The following C12orf42 variants were observed in gnomAD, a reference collection of about 807,000 sequenced individuals.
C12orf42 encodes chromosome 12 open reading frame 42.
A neutral mutation model predicts 21.6 loss-of-function variants in C12orf42; 25 were observed. That is an observed-to-expected ratio of 1.16 (90% CI 0.84 to 1.62). The LOEUF (loss-of-function observed/expected upper bound fraction) is 1.62, where lower values mean the gene tolerates loss of function less well. Ranked by LOEUF, C12orf42 falls within the 40% of genes most tolerant of loss-of-function variation. The probability of loss-of-function intolerance (pLI) is 0.00; values close to 1 mark genes in which losing one functional copy is unlikely to be tolerated. For missense variants in C12orf42, 483 were observed against 459.3 expected, an observed-to-expected ratio of 1.05 and a Z score of -0.47; for synonymous variants, 174 against 175.0, an observed-to-expected ratio of 0.99 and a Z score of 0.05.
the C12orf42 span, among the ~76,000 whole-genome samples, chr12:103,075,379 A>G: frequency 6.6e-6 from 1 of 152,118 alleles, no homozygotes; most frequent in African/African-American, 2.4e-5. Flanking sequence ...GATGTAGATC[A>G]AGAGTTGGTT....
chr12:103,313,935 G>C (rs2039210232), intron 4 of C12orf42, among the ~76,000 whole-genome samples: 1 of 152,158 alleles, frequency 6.6e-6, no homozygotes, highest in Non-Finnish European at 1.5e-5. Flanking sequence ...CAATCTACAG[G>C]GGGAAGGCGG....
At chr12:103,090,239 T>C in the C12orf42 span, among the ~76,000 whole-genome samples, 1 of 152,306 alleles carries the variant, frequency 6.6e-6, no homozygotes, top group Admixed American at 6.5e-5. Context: ...TTTTTGGTTT[T>C]ATGGAGGAAA....
chr12:103,489,976 A>G (rs1411720885), intron 1 of C12orf42, among the ~76,000 whole-genome samples: 2 of 152,192 alleles, frequency 1.3e-5, no homozygotes, highest in Non-Finnish European at 2.9e-5. Flanking sequence ...AACCAGTCCC[A>G]GTGAGATGAC....
chr12:103,181,714 G>A, the C12orf42 span, among the ~76,000 whole-genome samples: 1 of 152,308 alleles, frequency 6.6e-6, no homozygotes, highest in South Asian at 2.1e-4. Context: ...AGCAGGTACT[G>A]CCTGACCTCT....
intron 2 of C12orf42, among the ~76,000 whole-genome samples, chr12:103,475,940 T>A (rs1429978721): frequency 1.4e-4 from 21 of 152,202 alleles, no homozygotes; most frequent in African/African-American, 2.4e-5. Context: ...GGGATTAACA[T>A]GAAAGATGGG....
the C12orf42 span, among the ~76,000 whole-genome samples, chr12:103,212,439 G>A: frequency 6.6e-6 from 1 of 152,114 alleles, no homozygotes; most frequent in African/African-American, 2.4e-5. Context: ...GTCTCAAATA[G>A]TTTGAGTTTT....
At chr12:103,499,396 C>G (rs967278685), upstream of C12orf42, among the ~76,000 whole-genome samples, 1 of 152,104 alleles carries the variant, frequency 6.6e-6, no homozygotes, top group Non-Finnish European at 1.5e-5. Context: ...GTCAATTATA[C>G]CACACCAAAT....
At chr12:103,279,159 T>C (rs1269867882) in intron 4 of C12orf42, among the ~76,000 whole-genome samples, 2 of 152,228 alleles carry the variant, frequency 1.3e-5, no homozygotes, top group Non-Finnish European at 2.9e-5. Context: ...ATCATGCCTA[T>C]AGTTCACAAT....
intron 4 of C12orf42, among the ~76,000 whole-genome samples, chr12:103,349,589 T>C (rs895432912): frequency 5.9e-5 from 9 of 152,140 alleles, no homozygotes; most frequent in African/African-American, 1.9e-4. Context: ...TCATCTCTTT[T>C]TTTTCATAAA....
At chr12:103,411,483 T>G (rs2048841119) in intron 2 of C12orf42, among the ~76,000 whole-genome samples, 1 of 152,222 alleles carries the variant, frequency 6.6e-6, no homozygotes, top group Non-Finnish European at 1.5e-5. Flanking sequence ...TCTGAATGTT[T>G]GTATCTCTCC....
the C12orf42 span, among the ~76,000 whole-genome samples, chr12:103,509,978 A>G: frequency 6.6e-6 from 1 of 152,234 alleles, no homozygotes; most frequent in Non-Finnish European, 1.5e-5. Context: ...TAAAAGCACC[A>G]TTTGATCCAG....
intron 3 of C12orf42, among the ~76,000 whole-genome samples, chr12:103,382,139 G>C (rs1326874002): frequency 6.6e-6 from 1 of 152,102 alleles, no homozygotes; most frequent in African/African-American, 2.4e-5. Context: ...TATTGTACTA[G>C]CAAAGTAAAA....
intron 2 of C12orf42, among the ~76,000 whole-genome samples, chr12:103,403,098 A>G (rs376791213): frequency 4.5e-4 from 68 of 152,248 alleles, no homozygotes; most frequent in African/African-American, 1.6e-3. Context: ...TGCAGGGGCC[A>G]GGCACGGTGG....
chr12:103,220,930 C>T, the C12orf42 span, among the ~76,000 whole-genome samples: 1 of 152,324 alleles, frequency 6.6e-6, no homozygotes, highest in African/African-American at 2.4e-5. Flanking sequence ...TAATCTCTAA[C>T]TGACTATTTA....
chr12:103,559,873 G>A, the C12orf42 span: 1 of 152,134 alleles, frequency 6.6e-6, no homozygotes, highest in African/African-American at 2.4e-5. Context: ...TACAGCAAGT[G>A]TAATTGTTAT....
the C12orf42 span, among the ~76,000 whole-genome samples, chr12:103,526,526 T>C: frequency 6.6e-6 from 1 of 152,120 alleles, no homozygotes; most frequent in East Asian, 1.9e-4. Context: ...ATTAGTCCCA[T>C]TTGCAGAGAT....
the C12orf42 span, among the ~76,000 whole-genome samples, chr12:103,506,886 T>TATATATTTATATATTATATA: frequency 2.7e-5 from 1 of 36,518 alleles, no homozygotes; most frequent in Non-Finnish European, 4.5e-5. Flanking sequence ...ATATTATATA[T>TATATATTTATATATTATATA]TAAATATATA....
At chr12:103,372,152 C>T (rs2045301754) in intron 3 of C12orf42, among the ~76,000 whole-genome samples, 1 of 152,120 alleles carries the variant, frequency 6.6e-6, no homozygotes, top group Non-Finnish European at 1.5e-5. Context: ...GTCCTCCAGT[C>T]CCATTCCCTC....
intron 4 of C12orf42, among the ~76,000 whole-genome samples, chr12:103,291,978 G>A (rs778991128): frequency 6.6e-6 from 1 of 152,124 alleles, no homozygotes; most frequent in African/African-American, 2.4e-5. Flanking sequence ...AGTGTTGATA[G>A]CAGCATTATT....
Sources: allele counts gnomAD v4.1 joint callset (sites outside exome capture counted in the v4.1 genomes callset), GRCh38; gene constraint gnomAD v4.1.1; transcripts MANE v1.5; gene names NCBI Gene and HGNC (gene_info 2026-07-23, HGNC 2026-07-21).